GPRC5A: variants seen among roughly 807,000 people sequenced by gnomAD.
GPRC5A encodes G protein-coupled receptor class C group 5 member A.
A neutral mutation model predicts 22.5 loss-of-function variants in GPRC5A; 19 were observed. The ratio of observed to expected loss-of-function variants is 0.85; its 90% CI spans 0.59 to 1.24. The LOEUF is 1.24. Among genes scored for constraint, GPRC5A ranks in the 50% most tolerant of loss-of-function variants. GPRC5A has a pLI of 0.00. For missense variants in GPRC5A, 471 were observed against 451.1 expected (o/e 1.04, Z -0.40); for synonymous variants, 192 against 184.5 (o/e 1.04, Z -0.33).
At chr12:12,906,782 C>T (rs1023377646) in intron 1 of GPRC5A, among the ~76,000 whole-genome samples, 4 of 151,394 alleles carry the variant, frequency 2.6e-5, no homozygotes, top group Non-Finnish European at 5.9e-5. Flanking sequence ...AGGCCGGGCA[C>T]GGTGGCTCAC....
intron 1 of GPRC5A, among the ~76,000 whole-genome samples, chr12:12,903,768 C>CT (rs1863912743): frequency 6.6e-6 from 1 of 152,320 alleles, no homozygotes; most frequent in African/African-American, 2.4e-5. Flanking sequence ...CAGCACCCTC[C>CT]TGCGCAGCTG....
intron 1 of GPRC5A, among the ~76,000 whole-genome samples, chr12:12,897,005 T>C (rs1484675411): frequency 6.6e-6 from 1 of 152,190 alleles, no homozygotes; most frequent in Non-Finnish European, 1.5e-5. Flanking sequence ...GGTAGGTGGA[T>C]CACTTGAGCC....
chr12:12,916,549 A>C lies in GPRC5A; in HGVS notation c.*4010A>C, dbSNP rs558620003. 1 of 152,328 alleles carries C rather than the reference A, an allele frequency of 6.6e-6. No individual in the cohort carries two copies. Among genetic ancestry groups the C allele is most frequent in the Admixed American group, 6.5e-5 (1 of 15,302 alleles). 9.4% of individuals were successfully genotyped at this position (152,328 alleles called of 1,614,324 possible). A position where few individuals can be genotyped will look rare whatever the true frequency, so the allele number is the denominator to read the frequency against. On this transcript the variant is annotated 3_prime_UTR_variant, in exon 4 of 4. Coordinates refer to ENST00000014914, the MANE Select transcript of GPRC5A (RefSeq NM_003979.4). ...CGAGGCAAATGCGTCCCATTTTAAG[A>C]GGCTTGTATTTATGAGCTCTTTGCT...
intron 1 of GPRC5A, among the ~76,000 whole-genome samples, chr12:12,899,386 A>G (rs992095694): frequency 1.3e-5 from 2 of 152,104 alleles, no homozygotes; most frequent in South Asian, 2.1e-4. Context: ...GCTTGAATAT[A>G]TGGTGGTTTA....
intron 1 of GPRC5A, among the ~76,000 whole-genome samples, chr12:12,907,020 C>T (rs1393063548): frequency 1.3e-5 from 2 of 150,908 alleles, no homozygotes; most frequent in Non-Finnish European, 3.0e-5. Context: ...TGCCATTGCA[C>T]TCCAGCCTGG....
intron 1 of GPRC5A, among the ~76,000 whole-genome samples, chr12:12,900,736 C>G (rs971587955): frequency 1.3e-5 from 2 of 151,608 alleles, no homozygotes; most frequent in Admixed American, 1.3e-4. Context: ...ACTAAAAATA[C>G]AAAATTAGCC....
At chr12:12,895,863 G>A (rs1275421356) in intron 1 of GPRC5A, among the ~76,000 whole-genome samples, 1 of 149,326 alleles carries the variant, frequency 6.7e-6, no homozygotes, top group East Asian at 1.9e-4. Context: ...CGTGGTGGTG[G>A]GTGCCTGTAG....
At chr12:12,910,034 A>G (rs1016634916) in intron 2 of GPRC5A, among the ~76,000 whole-genome samples, 2 of 152,030 alleles carry the variant, frequency 1.3e-5, no homozygotes, top group Non-Finnish European at 2.9e-5. Flanking sequence ...CATAAGCAAA[A>G]GAGGCTAAAC....
intron 1 of GPRC5A, among the ~76,000 whole-genome samples, chr12:12,901,891 T>G (rs916270177): frequency 6.6e-6 from 1 of 152,180 alleles, no homozygotes; most frequent in Non-Finnish European, 1.5e-5. Flanking sequence ...GTCCTTTGAC[T>G]TTGGTTACAA....
chr12:12,899,836 G>C (rs1339057149), intron 1 of GPRC5A, among the ~76,000 whole-genome samples: 14 of 152,192 alleles, frequency 9.2e-5, no homozygotes, highest in Non-Finnish European at 2.1e-4. Context: ...CATTTTGACA[G>C]AATGAGAGAA....
intron 1 of GPRC5A, among the ~76,000 whole-genome samples, chr12:12,898,077 C>G (rs1335741950): frequency 6.6e-6 from 1 of 152,182 alleles, no homozygotes; most frequent in Non-Finnish European, 1.5e-5. Context: ...CTCCTGAGCA[C>G]CAACCCATAT....
intron 1 of GPRC5A, among the ~76,000 whole-genome samples, chr12:12,903,983 C>T (rs1863914890): frequency 6.6e-6 from 1 of 152,142 alleles, no homozygotes; most frequent in Non-Finnish European, 1.5e-5. Flanking sequence ...AACAGTAATA[C>T]CTGATGGGTG....
intron 2 of GPRC5A, chr12:12,909,550 G>A (rs771218338): frequency 2.8e-4 from 49 of 172,982 alleles, no homozygotes; most frequent in Non-Finnish European, 5.7e-4. Context: ...AAGTAGATGA[G>A]GTTGTGTTTT....
intron 1 of GPRC5A, among the ~76,000 whole-genome samples, chr12:12,897,890 G>A (rs1353432155): frequency 6.6e-6 from 1 of 152,034 alleles, no homozygotes; most frequent in African/African-American, 2.4e-5. Context: ...GCTCACAGGT[G>A]TGAGCCACTG....
intron 1 of GPRC5A, among the ~76,000 whole-genome samples, chr12:12,895,821 CAAAAAAAA>C (rs34696528): frequency 1.3e-5 from 1 of 75,648 alleles, no homozygotes; most frequent in African/African-American, 6.1e-5. Flanking sequence ...ACTAAAAATA[CAAAAAAAA>C]AAAAAAAAAA....
chr12:12,915,917 G>A lies in GPRC5A; in HGVS notation c.*3378G>A, dbSNP rs746213363. ...TCTTGCCAGGTGGCAGAAGGTTGCT[G>A]CTCATTTGAGCAGTACCTGTCACCC... On this transcript the variant is annotated 3_prime_UTR_variant, in exon 4 of 4. Transcript: ENST00000014914. The A allele has an allele frequency of 3.8e-6, 2 of 522,350 alleles. No individual in the cohort carries two copies. The highest frequency in any genetic ancestry group is 1.1e-4 in the East Asian group (2 of 17,892). The allele number at this position is 522,350 out of a possible 1,614,324, so 32.4% of individuals were successfully genotyped here.
Position 12,916,932 on chromosome 12 carries a change from C to T in GPRC5A, c.*4393C>T, listed in dbSNP as rs966116919. 4 of 152,284 alleles carry T rather than the reference C, an allele frequency of 2.6e-5. No individual in the cohort carries two copies. The highest frequency in any genetic ancestry group is 9.7e-5 in the African/African-American group (4 of 41,436). The allele number at this position is 152,284 out of a possible 1,614,324, so 9.4% of individuals were successfully genotyped here. On this transcript the variant is annotated 3_prime_UTR_variant, in exon 4 of 4. Coordinates refer to ENST00000014914, the MANE Select transcript of GPRC5A (RefSeq NM_003979.4). Reference sequence around the variant, plus strand: ...CCCAGCTGACCTTTCCCTTCCTTGCCCTCATCTTGCTGCCAGGGTCTGCAG... The same window carrying T: ...CCCAGCTGACCTTTCCCTTCCTTGCTCTCATCTTGCTGCCAGGGTCTGCAG...
chr12:12,895,025 G>T (rs1014913577), intron 1 of GPRC5A, among the ~76,000 whole-genome samples: 2 of 151,978 alleles, frequency 1.3e-5, no homozygotes, highest in African/African-American at 2.4e-5. Flanking sequence ...TGATCTGCCC[G>T]CCTCAGCCTC....
At chr12:12,912,192 A>C (rs1482449347) in intron 3 of GPRC5A, 50 bp downstream of exon 3, 3 of 1,271,392 alleles carry the variant, frequency 2.4e-6, no homozygotes, top group Non-Finnish European at 3.5e-6. Flanking sequence ...CACCTCAGGA[A>C]CACTGATCCT....
Sources: gnomAD v4.1 joint callset for allele counts (sites outside exome capture counted in the v4.1 genomes callset) on GRCh38, gnomAD v4.1.1 for gene constraint, MANE v1.5 for transcripts, NCBI Gene and HGNC (gene_info 2026-07-23, HGNC 2026-07-21) for gene names.